TNFAIP8: variants seen among roughly 807,000 people sequenced by gnomAD.
TNFAIP8 encodes tumor necrosis factor alpha-induced protein 8.
In TNFAIP8, 7 loss-of-function variants were observed where a neutral mutation model predicts 13.3. The observed-to-expected ratio is 0.52, with a 90% confidence interval of 0.30 to 0.99. The LOEUF (loss-of-function observed/expected upper bound fraction) is 0.99, where lower values mean the gene tolerates loss of function less well. Ranked by LOEUF, TNFAIP8 falls within the 50% of genes least tolerant of loss-of-function variation. The probability of loss-of-function intolerance (pLI) is 0.07; values close to 1 mark genes in which losing one functional copy is unlikely to be tolerated. For synonymous variants in TNFAIP8, 94 were observed against 87.6 expected, an observed-to-expected ratio of 1.07 and a Z score of -0.41; for missense variants, 258 against 236.9, an observed-to-expected ratio of 1.09 and a Z score of -0.58.
chr5:119,388,031 T>C (rs1752746798), intron 1 of TNFAIP8, among the ~76,000 whole-genome samples: 1 of 152,246 alleles, frequency 6.6e-6, no homozygotes, highest in African/African-American at 2.4e-5. Context: ...TCTTAGTTGC[T>C]TCCCAGGACA....
chr5:119,294,801 G>A (rs1420768156), intron 1 of TNFAIP8, among the ~76,000 whole-genome samples: 6 of 152,208 alleles, frequency 3.9e-5, no homozygotes, highest in African/African-American at 1.4e-4. Context: ...GTGATGGTGA[G>A]CATTTTTTCA....
chr5:119,307,935 C>T (rs1311565316), intron 1 of TNFAIP8, among the ~76,000 whole-genome samples: 1 of 152,172 alleles, frequency 6.6e-6, no homozygotes, highest in Non-Finnish European at 1.5e-5. Context: ...GGAGTCTGCA[C>T]ATGTGATTTA....
chr5:119,269,482 C>G (rs565856225), intron 1 of TNFAIP8, among the ~76,000 whole-genome samples: 2 of 152,120 alleles, frequency 1.3e-5, no homozygotes, highest in African/African-American at 4.8e-5. Flanking sequence ...CTGCACATGT[C>G]GCACTGGAGC....
chr5:119,312,636 C>T (rs567124915), intron 1 of TNFAIP8, among the ~76,000 whole-genome samples: 11 of 148,392 alleles, frequency 7.4e-5, no homozygotes, highest in African/African-American at 2.7e-4. Context: ...CGGTGGCTCA[C>T]GTGTGAAATC....
Position 119,397,118 on chromosome 5 carries a change from C to T in TNFAIP8, c.*3737C>T, listed in dbSNP as rs1158176729. The T allele has an allele frequency of 3.2e-5, 4 of 123,406 alleles. No homozygotes were observed. Among genetic ancestry groups the T allele is most frequent in the Non-Finnish European group, 7.4e-5 (4 of 54,316 alleles). The allele number at this position is 123,406 out of a possible 1,614,324, so 7.6% of individuals were successfully genotyped here. A position where few individuals can be genotyped will look rare whatever the true frequency, so the allele number is the denominator to read the frequency against. Reference sequence around the variant, plus strand: ...ATCTGGAAAGTTCTTTTTCTCCCACCATGTGAATACACACACACACACACA... The same window carrying T: ...ATCTGGAAAGTTCTTTTTCTCCCACTATGTGAATACACACACACACACACA... On this transcript the variant is annotated 3_prime_UTR_variant, in exon 2 of 2. Transcript: ENST00000504771.
At chr5:119,303,202 T>G (rs923562939) in intron 1 of TNFAIP8, among the ~76,000 whole-genome samples, 5 of 152,168 alleles carry the variant, frequency 3.3e-5, no homozygotes, top group African/African-American at 9.7e-5. Flanking sequence ...AACTTCTTGG[T>G]TTTCCATTAC....
At chr5:119,301,927 G>A (rs1048122171) in intron 1 of TNFAIP8, among the ~76,000 whole-genome samples, 3 of 152,186 alleles carry the variant, frequency 2.0e-5, no homozygotes, top group African/African-American at 7.2e-5. Context: ...AGAAATGAAA[G>A]TCTAGGAACT....
intron 1 of TNFAIP8, among the ~76,000 whole-genome samples, chr5:119,391,701 G>T (rs1752897405): frequency 6.6e-6 from 1 of 150,418 alleles, no homozygotes; most frequent in South Asian, 2.1e-4. Context: ...GGAGGTTGCA[G>T]TGAGCCAAGA....
At chr5:119,365,262 C>T (rs1327758041) in intron 1 of TNFAIP8, among the ~76,000 whole-genome samples, 1 of 152,088 alleles carries the variant, frequency 6.6e-6, no homozygotes, top group Non-Finnish European at 1.5e-5. Context: ...ATGTTTCTGC[C>T]AGGGGTACCC....
intron 1 of TNFAIP8, among the ~76,000 whole-genome samples, chr5:119,323,779 C>A (rs1750132769): frequency 6.6e-6 from 1 of 152,128 alleles, no homozygotes; most frequent in African/African-American, 2.4e-5. Context: ...CAGTGGGGAA[C>A]AGGGGCATAA....
chr5:119,306,129 A>T (rs1581589912), intron 1 of TNFAIP8, among the ~76,000 whole-genome samples: 1 of 152,104 alleles, frequency 6.6e-6, no homozygotes, highest in Non-Finnish European at 1.5e-5. Flanking sequence ...AACCCCCTCT[A>T]CCTCTAGCGT....
intron 1 of TNFAIP8, among the ~76,000 whole-genome samples, chr5:119,278,376 AGTGT>A (rs71591297): frequency 0.05 from 5,385 of 107,822 alleles, 139 homozygotes; most frequent in Middle Eastern, 0.074. Context: ...AGAGAGAGAG[AGTGT>A]GTGTGTGTGT....
intron 1 of TNFAIP8, among the ~76,000 whole-genome samples, chr5:119,359,556 C>CA (rs113256177): frequency 0.23 from 32,058 of 141,678 alleles, 3,480 homozygotes; most frequent in Non-Finnish European, 0.24. Context: ...TAATCCTTGG[C>CA]AAAAAAAAAA....
At chr5:119,356,917 A>G (rs6877025) in intron 1 of TNFAIP8, among the ~76,000 whole-genome samples, 60,110 of 151,874 alleles carry the variant, frequency 0.4, 13,696 homozygotes, top group African/African-American at 0.63. Flanking sequence ...GGGTGGGAGT[A>G]AGGGTGGTTG....
At position 119,341,368 on chromosome 5, in the gene TNFAIP8, G is replaced by A. The variant is rs553654154; in HGVS notation, c.2-51448G>A. Among the ~76,000 whole-genome samples, 12 of 152,260 alleles carry A rather than the reference G, an allele frequency of 7.9e-5. No individual in the cohort carries two copies. The South Asian group carries it at 2.5e-3, about 32-fold the overall frequency. ...AGTCGTGAGACCTGTGGTAAATTTA[G>A]AAACAACAGGTCTCATCTAAAGGCA... On this transcript the variant is annotated intron_variant, in intron 1 of 1. Transcript: ENST00000274456.
At chr5:119,306,915 A>G (rs1749584194) in intron 1 of TNFAIP8, among the ~76,000 whole-genome samples, 1 of 152,214 alleles carries the variant, frequency 6.6e-6, no homozygotes, top group Non-Finnish European at 1.5e-5. Context: ...GCTTCCCAGA[A>G]ATTTCCTATG....
chr5:119,275,181 T>C (rs962331891), intron 1 of TNFAIP8, among the ~76,000 whole-genome samples: 1 of 152,130 alleles, frequency 6.6e-6, no homozygotes, highest in African/African-American at 2.4e-5. Flanking sequence ...AGGTCTTCAC[T>C]GGGTGGAAAA....
At chr5:119,320,910 C>T (rs552156448) in intron 1 of TNFAIP8, among the ~76,000 whole-genome samples, 2 of 149,976 alleles carry the variant, frequency 1.3e-5, no homozygotes, top group African/African-American at 5.0e-5. Context: ...AAACGAAAAA[C>T]AAAAAACTAA....
chr5:119,277,260 T>C (rs1748484601), intron 1 of TNFAIP8, among the ~76,000 whole-genome samples: 1 of 152,206 alleles, frequency 6.6e-6, no homozygotes, highest in African/African-American at 2.4e-5. Flanking sequence ...TATTTCTGTA[T>C]CTATGTATAA....
Sources: allele counts gnomAD v4.1 joint callset (sites outside exome capture counted in the v4.1 genomes callset), GRCh38; gene constraint gnomAD v4.1.1; transcripts MANE v1.5; gene names NCBI Gene and HGNC (gene_info 2026-07-23, HGNC 2026-07-21).